PTPRZ1: variants seen among roughly 807,000 people sequenced by gnomAD.
The protein encoded by PTPRZ1 is receptor-type tyrosine-protein phosphatase zeta.
PTPRZ1 carries 82 observed loss-of-function variants against 214.1 expected under a neutral mutation model. The ratio of observed to expected loss-of-function variants is 0.38; its 90% CI spans 0.32 to 0.46. The LOEUF is 0.46. Ranked by LOEUF, PTPRZ1 falls within the 20% of genes least tolerant of loss-of-function variation. The pLI is 1.00. For synonymous variants in PTPRZ1, 945 were observed against 987.9 expected (o/e 0.96, Z 0.81); for missense variants, 2,603 against 2,748.7 (o/e 0.95, Z 1.19).
chr7:121,949,188 G>A (rs1425048011), intron 2 of PTPRZ1, among the ~76,000 whole-genome samples: 1 of 152,134 alleles, frequency 6.6e-6, no homozygotes, highest in East Asian at 1.9e-4. Flanking sequence ...GTAGAAAAGA[G>A]ACAAATGGCT....
At chr7:121,974,163 T>A (rs1025237207) in intron 4 of PTPRZ1, among the ~76,000 whole-genome samples, 1 of 152,084 alleles carries the variant, frequency 6.6e-6, no homozygotes, top group Non-Finnish European at 1.5e-5. Context: ...AAAGCTTTTT[T>A]TAAAAGATGG....
intron 1 of PTPRZ1, among the ~76,000 whole-genome samples, chr7:121,903,515 T>A (rs1795030171): frequency 6.6e-6 from 1 of 152,206 alleles, no homozygotes; most frequent in East Asian, 1.9e-4. Flanking sequence ...TGTTGCTAAC[T>A]TTTGAATGAA....
At chr7:122,027,862 C>G (rs1799248916) in intron 13 of PTPRZ1, among the ~76,000 whole-genome samples, 2 of 152,142 alleles carry the variant, frequency 1.3e-5, no homozygotes, top group Non-Finnish European at 1.5e-5. Flanking sequence ...ATCAACAAGA[C>G]TAGCATCTGT....
At chr7:122,009,683 A>G (rs1412832303) in intron 11 of PTPRZ1, among the ~76,000 whole-genome samples, 1 of 152,012 alleles carries the variant, frequency 6.6e-6, no homozygotes, top group Non-Finnish European at 1.5e-5. Context: ...AGCCTCCTGA[A>G]TGGTGATTCT....
intron 1 of PTPRZ1, among the ~76,000 whole-genome samples, chr7:121,913,362 T>C (rs1298761898): frequency 6.6e-6 from 1 of 152,198 alleles, no homozygotes; most frequent in Non-Finnish European, 1.5e-5. Context: ...TCAGCTCTTA[T>C]GTGTTATTCC....
At chr7:121,995,935 T>A (rs368317715) in intron 8 of PTPRZ1, among the ~76,000 whole-genome samples, 2 of 152,338 alleles carry the variant, frequency 1.3e-5, no homozygotes, top group African/African-American at 4.8e-5. Flanking sequence ...TGAATCTGTA[T>A]GCCAGGTATA....
chr7:122,033,851 C>T (rs975257370), intron 15 of PTPRZ1: 24 of 496,766 alleles, frequency 4.8e-5, no homozygotes, highest in South Asian at 4.8e-4. Flanking sequence ...CATATTATGA[C>T]ATCACTATCT....
intron 8 of PTPRZ1, among the ~76,000 whole-genome samples, chr7:121,992,138 C>G (rs561960566): frequency 6.6e-6 from 1 of 151,798 alleles, no homozygotes; most frequent in African/African-American, 2.4e-5. Context: ...ATTTTCTCTG[C>G]CACTCCCTAA....
chr7:121,956,738 A>G (rs1482512787), intron 2 of PTPRZ1, among the ~76,000 whole-genome samples: 1 of 152,236 alleles, frequency 6.6e-6, no homozygotes, highest in African/African-American at 2.4e-5. Context: ...AAGAAAACAT[A>G]AGAACTAATT....
rs371027095 is a variant in PTPRZ1 at position 121,983,771 on chromosome 7, C to T, written c.726C>T (p.Asp242=). 17 of 1,613,502 alleles carry T rather than the reference C, an allele frequency of 1.1e-5. No homozygotes were observed. In the African/African-American group the frequency reaches 2.3e-4, roughly 22 times the overall value. Residue 242 remains aspartate, a synonymous_variant, in exon 7 of 30, where the codon GAC becomes GAT. Coordinates refer to ENST00000393386, the MANE Select transcript of PTPRZ1 (RefSeq NM_002851.3). ...NGSLTSPPCT[D]TVDWIVFKDT... ...CATTGACATCTCCTCCCTGCACAGA[C>T]ACAGTTGACTGGATTGTTTTTAAAG...
chr7:122,019,312 A>G (rs1425082863), intron 13 of PTPRZ1, 44 bp downstream of exon 13: 3 of 1,555,254 alleles, frequency 1.9e-6, no homozygotes, highest in African/African-American at 2.7e-5. Context: ...CATAAAACTC[A>G]GATTTTGCCC....
chr7:121,956,300 A>G (rs1796701730), intron 2 of PTPRZ1, among the ~76,000 whole-genome samples: 1 of 152,190 alleles, frequency 6.6e-6, no homozygotes, highest in Non-Finnish European at 1.5e-5. Flanking sequence ...GACACTTTCC[A>G]TAAACAATCC....
chr7:122,058,315 C>A (rs1413148789), intron 27 of PTPRZ1, among the ~76,000 whole-genome samples: 2 of 151,968 alleles, frequency 1.3e-5, no homozygotes, highest in Non-Finnish European at 2.9e-5. Flanking sequence ...AAGTAAGAAT[C>A]AGAATTGGGA....
At chr7:122,045,170 C>T (rs536347115) in intron 23 of PTPRZ1, among the ~76,000 whole-genome samples, 2 of 152,240 alleles carry the variant, frequency 1.3e-5, no homozygotes, top group African/African-American at 4.8e-5. Context: ...CAGGTGTTAC[C>T]GGACCTGCCA....
rs762524969 is a variant in PTPRZ1 at position 122,013,292 on chromosome 7, G to A, written c.4246G>A (p.Gly1416Ser). ...AKSDAGLVGG[G>S]EDGDTDDDGD... ...ATCTGATGCCGGTTTAGTGGGTGGT[G>A]GTGAAGATGGTGACACTGATGATGA... The change falls in exon 12 of 30, where the codon GGT (glycine) becomes AGT (serine). Residue 1416 changes from glycine (G) to serine (S), a missense_variant. By Grantham distance (56) the Gly-to-Ser change is moderately conservative. This residue lies in a region of PTPRZ1 where 1,913 missense variants were observed against 1,914.3 expected (regional missense o/e 1.00). Transcript: ENST00000393386. The A allele has an allele frequency of 3.7e-6, 6 of 1,609,314 alleles. No homozygotes were observed. The African/African-American group carries it at 6.9e-5, about 18-fold the overall frequency.
intron 17 of PTPRZ1, among the ~76,000 whole-genome samples, chr7:122,035,117 C>G (rs1799497233): frequency 6.6e-6 from 1 of 152,060 alleles, no homozygotes; most frequent in Non-Finnish European, 1.5e-5. Flanking sequence ...TACTTATACC[C>G]TTTCTATATA....
intron 10 of PTPRZ1, among the ~76,000 whole-genome samples, chr7:121,999,066 A>C (rs1360350238): frequency 1.3e-5 from 2 of 152,134 alleles, no homozygotes; most frequent in African/African-American, 4.8e-5. Flanking sequence ...TAAGTTAAAG[A>C]TTATATGTGA....
At chr7:122,007,363 G>T (rs1296427726) in intron 11 of PTPRZ1, among the ~76,000 whole-genome samples, 1 of 152,102 alleles carries the variant, frequency 6.6e-6, no homozygotes, top group African/African-American at 2.4e-5. Flanking sequence ...ACACAGATGG[G>T]GATTTAAAAT....
At chr7:122,024,410 A>T (rs1044744101) in intron 13 of PTPRZ1, among the ~76,000 whole-genome samples, 2 of 152,064 alleles carry the variant, frequency 1.3e-5, no homozygotes, top group African/African-American at 2.4e-5. Flanking sequence ...AAGCAATATG[A>T]ATTCTCTCTT....
Sources: allele counts gnomAD v4.1 joint callset (sites outside exome capture counted in the v4.1 genomes callset), GRCh38; gene constraint gnomAD v4.1.1; regional missense constraint gnomAD v4.1.1; transcripts MANE v1.5; gene names NCBI Gene and HGNC (gene_info 2026-07-23, HGNC 2026-07-21).